The following TNR variants were observed in gnomAD, a reference collection of about 807,000 sequenced individuals.
TNR encodes the protein tenascin R.
Under a neutral mutation model 150.4 loss-of-function variants are expected in TNR, and 45 were observed. The ratio of observed to expected loss-of-function variants is 0.30; its 90% CI spans 0.24 to 0.38. The LOEUF (loss-of-function observed/expected upper bound fraction) is 0.38. TNR is among the 10% of genes least tolerant of loss of function. The pLI is 1.00. For synonymous variants in TNR, 687 were observed against 678.4 expected (o/e 1.01, Z -0.20); for missense variants, 1,544 against 1,759.1 (o/e 0.88, Z 2.19).
At chr1:175,471,530 T>C (rs1035305568) in intron 2 of TNR, among the ~76,000 whole-genome samples, 1 of 152,190 alleles carries the variant, frequency 6.6e-6, no homozygotes. Flanking sequence ...ATGGTAAATA[T>C]TTGTGTCTCT....
intron 1 of TNR, among the ~76,000 whole-genome samples, chr1:175,666,259 C>T (rs551616957): frequency 2.2e-4 from 34 of 152,280 alleles, no homozygotes; most frequent in Middle Eastern, 3.4e-3. Context: ...GGGACATTGC[C>T]TGGCTTTATC....
chr1:175,451,655 C>T (rs538781463), intron 2 of TNR, among the ~76,000 whole-genome samples: 8 of 152,332 alleles, frequency 5.3e-5, no homozygotes, highest in East Asian at 3.9e-4. Context: ...GAAAGTAGTG[C>T]GGCGGCTGGC....
rs1651823470 is a variant in TNR, at chr1:175,366,013, C to T, written c.2179G>A (p.Ala727Thr). The change falls in exon 11 of 23, where the codon GCC becomes ACC. Residue 727 changes from alanine (A) to threonine (T), a missense_variant. By Grantham distance (58) the Ala-to-Thr change is moderately conservative. Transcript: ENST00000367674. ...TCCTTGGGTACGGTGACTTCTGAGGCAATCCCAGAGGATGGGGTAAAGGTA... is the reference window on the plus strand; with the variant it reads ...TCCTTGGGTACGGTGACTTCTGAGGTAATCCCAGAGGATGGGGTAAAGGTA... ...RITFTPSSGI[A>T]SEVTVPKDRT... The T allele has an allele frequency of 6.2e-7, 1 of 1,613,998 alleles. No homozygotes were observed. Among genetic ancestry groups the T allele is most frequent in the Admixed American group, 1.7e-5 (1 of 59,990 alleles).
At chr1:175,402,092 G>T (rs1266979936) in intron 4 of TNR, among the ~76,000 whole-genome samples, 3 of 151,800 alleles carry the variant, frequency 2.0e-5, no homozygotes, top group African/African-American at 7.3e-5. Context: ...CGGATCATGA[G>T]GTCAGGAGAT....
At chr1:175,511,758 C>T (rs911530662) in intron 2 of TNR, among the ~76,000 whole-genome samples, 3 of 152,234 alleles carry the variant, frequency 2.0e-5, no homozygotes, top group Non-Finnish European at 4.4e-5. Flanking sequence ...ACTGACAAAT[C>T]TCTCAGTTCC....
intron 2 of TNR, among the ~76,000 whole-genome samples, chr1:175,413,006 G>A (rs772917810): frequency 6.6e-6 from 1 of 152,052 alleles, no homozygotes; most frequent in Admixed American, 6.6e-5. Flanking sequence ...TGACTGTTCT[G>A]CAGGTGGCCT....
chr1:175,562,023 C>A (rs1025608710), intron 1 of TNR, among the ~76,000 whole-genome samples: 2 of 152,132 alleles, frequency 1.3e-5, no homozygotes, highest in African/African-American at 4.8e-5. Context: ...TACATGACTT[C>A]CTGCCATCAC....
intron 1 of TNR, among the ~76,000 whole-genome samples, chr1:175,529,189 C>A (rs186486324): frequency 1.3e-5 from 2 of 152,156 alleles, no homozygotes; most frequent in South Asian, 2.1e-4. Flanking sequence ...TCTCACAAAC[C>A]CTGCTAAGCC....
chr1:175,641,450 C>G (rs965271073), intron 1 of TNR, among the ~76,000 whole-genome samples: 3 of 152,050 alleles, frequency 2.0e-5, no homozygotes, highest in Non-Finnish European at 2.9e-5. Flanking sequence ...TCCTAAGTGT[C>G]CTTATAGGGA....
At chr1:175,611,165 T>C (rs747457488) in intron 1 of TNR, among the ~76,000 whole-genome samples, 10 of 152,092 alleles carry the variant, frequency 6.6e-5, no homozygotes, top group Non-Finnish European at 1.3e-4. Context: ...CGTTCCTTCA[T>C]TTGGGAAGAA....
intron 1 of TNR, among the ~76,000 whole-genome samples, chr1:175,550,573 T>G (rs1660900189): frequency 6.6e-6 from 1 of 150,524 alleles, no homozygotes; most frequent in East Asian, 2.0e-4. Flanking sequence ...GAAATGAAGC[T>G]GATAATGCTT....
At chr1:175,436,357 A>G (rs1655507895) in intron 2 of TNR, among the ~76,000 whole-genome samples, 1 of 151,938 alleles carries the variant, frequency 6.6e-6, no homozygotes, top group Non-Finnish European at 1.5e-5. Context: ...TTTTTTCTCT[A>G]AACTTCTCTT....
intron 1 of TNR, among the ~76,000 whole-genome samples, chr1:175,714,736 A>G (rs1269728860): frequency 3.3e-5 from 5 of 152,160 alleles, no homozygotes. Flanking sequence ...CAGGGCCTCA[A>G]CTGTAATTAC....
rs1557911275 is a variant in TNR at position 175,403,478 on chromosome 1, A to C, written c.638T>G (p.Val213Gly). ...ACAGATGCACTGGCCATCCACACAC[A>C]CCCCCCGGCTGGAGCAACCCAGCGG... is the stretch of plus-strand genomic sequence containing the variant. ...YCPLGCSSRGVCVDGQCICDS... is the reference protein window; with the variant it reads ...YCPLGCSSRGGCVDGQCICDS... Residue 213 changes from valine to glycine, a missense_variant, in exon 4 of 23, where the codon GTG becomes GGG. By Grantham distance (109) the Val-to-Gly change is moderately radical. Around this residue, in one of 2 missense-constraint regions of TNR, gnomAD observed 1,254 missense variants for 1,329.4 expected, o/e 0.94. Coordinates refer to ENST00000367674, the MANE Select transcript of TNR (RefSeq NM_003285.3). The C allele has an allele frequency of 3.1e-6, 5 of 1,612,960 alleles. No individual in the cohort carries two copies. Among genetic ancestry groups the C allele is most frequent in the African/African-American group, 1.3e-5 (1 of 74,492 alleles).
intron 1 of TNR, chr1:175,539,309 C>G (rs947597527): frequency 6.6e-6 from 1 of 152,346 alleles, no homozygotes; most frequent in African/African-American, 2.4e-5. Context: ...GGCTACTGCT[C>G]TTGAGAAAGA....
At chr1:175,553,288 G>A (rs1262438188) in intron 1 of TNR, among the ~76,000 whole-genome samples, 2 of 152,114 alleles carry the variant, frequency 1.3e-5, no homozygotes, top group African/African-American at 4.8e-5. Flanking sequence ...GCTCATGTGT[G>A]AGCCACCAAC....
intron 1 of TNR, among the ~76,000 whole-genome samples, chr1:175,564,067 A>G (rs1045679136): frequency 3.9e-5 from 6 of 152,250 alleles, no homozygotes; most frequent in Non-Finnish European, 7.3e-5. Context: ...GACAACGATT[A>G]GCAAAAGCAT....
chr1:175,692,695 A>C (rs1343576923), intron 1 of TNR, among the ~76,000 whole-genome samples: 3 of 152,080 alleles, frequency 2.0e-5, no homozygotes, highest in Non-Finnish European at 4.4e-5. Context: ...GGGAGAGGAG[A>C]GGAAGGTCTC....
At chr1:175,702,532 G>A (rs1666726831) in intron 1 of TNR, among the ~76,000 whole-genome samples, 1 of 152,222 alleles carries the variant, frequency 6.6e-6, no homozygotes, top group South Asian at 2.1e-4. Context: ...GAATATGAGG[G>A]GTTGGCAATG....
Sources: gnomAD v4.1 joint callset for allele counts (sites outside exome capture counted in the v4.1 genomes callset) on GRCh38, gnomAD v4.1.1 for gene constraint, gnomAD v4.1.1 regional missense constraint, MANE v1.5 for transcripts, NCBI Gene and HGNC (gene_info 2026-07-23, HGNC 2026-07-21) for gene names.